The following SYTL5 variants were observed in gnomAD, a reference collection of about 807,000 sequenced individuals.
SYTL5 encodes synaptotagmin like 5, also known as synaptotagmin-like protein 5.
Under a neutral mutation model 55.9 loss-of-function variants are expected in SYTL5, and 34 were observed. That is an observed-to-expected ratio of 0.61 (90% CI 0.46 to 0.81). SYTL5 has a LOEUF of 0.81. Ranked by LOEUF, SYTL5 falls within the 30% of genes least tolerant of loss-of-function variation. The pLI is 0.00. For synonymous variants in SYTL5, 221 were observed against 188.7 expected (o/e 1.17, Z -1.40); for missense variants, 637 against 546.7 (o/e 1.17, Z -1.65).
At chrX:38,023,820 C>G (rs1180867591) in intron 1 of SYTL5, 5 of 110,377 alleles carry the variant, frequency 4.5e-5, no homozygotes, top group Non-Finnish European at 7.6e-5. Context: ...TCTTAGCCAG[C>G]ATTTTTAAAG....
chrX:37,963,663 G>A, the SYTL5 span, among the ~76,000 whole-genome samples: 1 of 111,630 alleles, frequency 9.0e-6, no homozygotes, highest in Non-Finnish European at 1.9e-5. Context: ...TTTTCTACAC[G>A]GAAGATCATG....
upstream of SYTL5, among the ~76,000 whole-genome samples, chrX:38,002,126 T>C (rs1392644506): frequency 9.0e-6 from 1 of 110,925 alleles, no homozygotes; most frequent in Non-Finnish European, 1.9e-5. Context: ...TTTGGTTTTT[T>C]GTCCTTGCAA....
At chrX:37,904,317 A>T in the SYTL5 span, among the ~76,000 whole-genome samples, 1 of 106,321 alleles carries the variant, frequency 9.4e-6, no homozygotes, top group Non-Finnish European at 1.9e-5. Context: ...AAGGCACTTC[A>T]TTAAAATTAA....
intron 9 of SYTL5, among the ~76,000 whole-genome samples, chrX:38,099,726 G>A (rs1937036342): frequency 9.0e-6 from 1 of 110,959 alleles, no homozygotes. Flanking sequence ...TCTCATGTAT[G>A]GTTTTATGTT....
the SYTL5 span, among the ~76,000 whole-genome samples, chrX:37,905,864 C>T: frequency 8.8e-6 from 1 of 113,097 alleles, no homozygotes; most frequent in African/African-American, 3.2e-5. Flanking sequence ...GACTCTGGCG[C>T]CGCCGCCTGG....
chrX:38,058,047 T>C (rs1344481339), intron 3 of SYTL5, among the ~76,000 whole-genome samples: 2 of 111,627 alleles, frequency 1.8e-5, no homozygotes, highest in African/African-American at 3.2e-5. Flanking sequence ...ATGAAAATAT[T>C]CTCCTATGTG....
chrX:37,903,201 T>C, the SYTL5 span, among the ~76,000 whole-genome samples: 1 of 110,716 alleles, frequency 9.0e-6, no homozygotes, highest in African/African-American at 3.3e-5. Flanking sequence ...CATTACTGGG[T>C]ATATACCCAA....
the SYTL5 span, among the ~76,000 whole-genome samples, chrX:37,922,040 T>C: frequency 1.8e-5 from 2 of 112,167 alleles, no homozygotes; most frequent in Non-Finnish European, 3.8e-5. Context: ...AATAATCCCA[T>C]TTTGGCTTTT....
chrX:38,047,302 C>T (rs1935492639), intron 2 of SYTL5, among the ~76,000 whole-genome samples: 1 of 113,163 alleles, frequency 8.8e-6, no homozygotes. Context: ...CCAGGCATTT[C>T]AGTACATCCT....
the SYTL5 span, among the ~76,000 whole-genome samples, chrX:37,950,117 AT>A: frequency 8.9e-6 from 1 of 111,874 alleles, no homozygotes; most frequent in Non-Finnish European, 1.9e-5. Flanking sequence ...TCATGATCAA[AT>A]TGGAACTTCA....
chrX:38,102,725 T>C (rs1410595670), intron 10 of SYTL5, among the ~76,000 whole-genome samples: 1 of 111,353 alleles, frequency 9.0e-6, no homozygotes, highest in Non-Finnish European at 1.9e-5. Context: ...TATTTTTCAA[T>C]TATCTGCTGA....
At chrX:37,899,126 G>A in the SYTL5 span, among the ~76,000 whole-genome samples, 6,491 of 112,005 alleles carry the variant, frequency 0.058, 229 homozygotes, top group African/African-American at 0.12. Flanking sequence ...AGTATTATTT[G>A]TAGAAAAATT....
chrX:38,124,513 C>T (rs749741889), intron 15 of SYTL5, among the ~76,000 whole-genome samples: 24 of 111,937 alleles, frequency 2.1e-4, no homozygotes, highest in Non-Finnish European at 1.9e-5. Flanking sequence ...GGGAAAACAG[C>T]CATTTTTATC....
intron 5 of SYTL5, among the ~76,000 whole-genome samples, chrX:38,074,880 T>G (rs954741446): frequency 9.4e-6 from 1 of 106,206 alleles, no homozygotes; most frequent in Admixed American, 1.1e-4. Context: ...GCACCACCAA[T>G]CATATTGCAC....
At chrX:38,040,653 G>T (rs191454357) in intron 2 of SYTL5, among the ~76,000 whole-genome samples, 298 of 111,649 alleles carry the variant, frequency 2.7e-3, no homozygotes, top group Admixed American at 3.6e-3. Flanking sequence ...GCAAATGACT[G>T]GATTACACTC....
At chrX:38,005,595 C>G (rs757274735), upstream of SYTL5, among the ~76,000 whole-genome samples, 4 of 111,049 alleles carry the variant, frequency 3.6e-5, no homozygotes, top group Non-Finnish European at 7.6e-5. Context: ...TAATAACACA[C>G]TAGATGGGCT....
the SYTL5 span, among the ~76,000 whole-genome samples, chrX:37,924,877 A>T: frequency 2.7e-5 from 3 of 111,538 alleles, no homozygotes; most frequent in Non-Finnish European, 5.7e-5. Context: ...TTGTGTTGGG[A>T]ACATTACAAA....
chrX:37,912,205 C>G, the SYTL5 span, among the ~76,000 whole-genome samples: 5 of 112,025 alleles, frequency 4.5e-5, no homozygotes, highest in African/African-American at 1.6e-4. Context: ...GTGAATTTTT[C>G]CAGTAATGCA....
intron 1 of SYTL5, among the ~76,000 whole-genome samples, chrX:38,032,746 G>A (rs1409314303): frequency 1.8e-5 from 2 of 109,108 alleles, no homozygotes; most frequent in Non-Finnish European, 3.8e-5. Flanking sequence ...TTTTTTTTAA[G>A]AGACAGGGTC....
Sources: allele counts gnomAD v4.1 joint callset (sites outside exome capture counted in the v4.1 genomes callset), GRCh38; gene constraint gnomAD v4.1.1; transcripts MANE v1.5; gene names NCBI Gene and HGNC (gene_info 2026-07-23, HGNC 2026-07-21).